RIMS2: variants seen among roughly 807,000 people sequenced by gnomAD.
RIMS2 encodes regulating synaptic membrane exocytosis 2.
In RIMS2, 59 loss-of-function variants were observed where a neutral mutation model predicts 174.4. That is an observed-to-expected ratio of 0.34 (90% CI 0.27 to 0.42). RIMS2 has a LOEUF of 0.42. Ranked by LOEUF, RIMS2 falls within the 10% of genes least tolerant of loss-of-function variation. RIMS2 has a pLI of 1.00. For synonymous variants in RIMS2, 606 were observed against 572.5 expected, an observed-to-expected ratio of 1.06 and a Z score of -0.84; for missense variants, 1,620 against 1,666.3, an observed-to-expected ratio of 0.97 and a Z score of 0.48.
intron 19 of RIMS2, among the ~76,000 whole-genome samples, chr8:104,141,317 T>C (rs2098568567): frequency 6.6e-6 from 1 of 152,154 alleles, no homozygotes; most frequent in South Asian, 2.1e-4. Context: ...ATTTATAAAT[T>C]CAAGAGATAG....
At chr8:103,669,833 C>T (rs1281734213) in intron 1 of RIMS2, among the ~76,000 whole-genome samples, 1 of 152,228 alleles carries the variant, frequency 6.6e-6, no homozygotes, top group African/African-American at 2.4e-5. Context: ...GCACTGAGTG[C>T]CTGTGGCTTT....
intron 3 of RIMS2, among the ~76,000 whole-genome samples, chr8:103,857,850 C>T (rs1054117758): frequency 2.0e-5 from 3 of 152,156 alleles, no homozygotes; most frequent in Non-Finnish European, 4.4e-5. Flanking sequence ...AAGCAAAAAG[C>T]TCATCTTTTC....
At chr8:103,639,333 A>T (rs1418804879) in intron 1 of RIMS2, among the ~76,000 whole-genome samples, 2 of 151,968 alleles carry the variant, frequency 1.3e-5, no homozygotes, top group Admixed American at 1.3e-4. Context: ...TGCAAACATT[A>T]ACATTTAATG....
At chr8:104,051,595 G>A (rs996029028) in intron 19 of RIMS2, among the ~76,000 whole-genome samples, 6 of 151,950 alleles carry the variant, frequency 3.9e-5, no homozygotes, top group African/African-American at 9.7e-5. Flanking sequence ...AAAAGAAAAG[G>A]GAGAAGATGT....
At chr8:103,716,602 C>T (rs2097371161) in intron 2 of RIMS2, among the ~76,000 whole-genome samples, 1 of 151,610 alleles carries the variant, frequency 6.6e-6, no homozygotes, top group East Asian at 1.9e-4. Flanking sequence ...TCAAGGAAAC[C>T]TCATAGTATT....
intron 3 of RIMS2, among the ~76,000 whole-genome samples, chr8:103,796,429 T>G (rs1409050192): frequency 6.6e-6 from 1 of 152,168 alleles, no homozygotes; most frequent in Non-Finnish European, 1.5e-5. Context: ...ATACCAAAAT[T>G]AGAGGTAGAT....
At chr8:103,818,584 A>C (rs1313514289) in intron 3 of RIMS2, among the ~76,000 whole-genome samples, 2 of 152,116 alleles carry the variant, frequency 1.3e-5, no homozygotes, top group African/African-American at 4.8e-5. Flanking sequence ...TCTGGCCTTG[A>C]CTGTAGGGTT....
intron 1 of RIMS2, among the ~76,000 whole-genome samples, chr8:103,607,951 C>A (rs933464940): frequency 6.9e-6 from 1 of 144,130 alleles, no homozygotes; most frequent in African/African-American, 2.7e-5. Flanking sequence ...TCTGAATGTC[C>A]TCCCATAGCT....
chr8:103,829,622 T>C (rs1948569), intron 3 of RIMS2, among the ~76,000 whole-genome samples: 61,084 of 151,936 alleles, frequency 0.4, 12,731 homozygotes, highest in African/African-American at 0.44. Flanking sequence ...AACCAAATAC[T>C]GCATGTTCTC....
chr8:104,046,833 A>G (rs1760594186), intron 19 of RIMS2, among the ~76,000 whole-genome samples: 2 of 152,204 alleles, frequency 1.3e-5, no homozygotes, highest in South Asian at 4.1e-4. Context: ...AGGAGGCACA[A>G]AGTGTCAATG....
chr8:103,953,202 C>A (rs184074500), intron 14 of RIMS2, among the ~76,000 whole-genome samples: 114 of 152,166 alleles, frequency 7.5e-4, no homozygotes, highest in African/African-American at 2.6e-3. Context: ...AGGAGAACTT[C>A]CCCAGCCTGG....
intron 17 of RIMS2, among the ~76,000 whole-genome samples, chr8:104,007,393 T>A (rs1160350081): frequency 6.6e-6 from 1 of 152,166 alleles, no homozygotes; most frequent in East Asian, 1.9e-4. Flanking sequence ...TCATTGAAAA[T>A]TAAACTGTTT....
chr8:103,633,118 C>T (rs1347041006), intron 1 of RIMS2, among the ~76,000 whole-genome samples: 1 of 151,550 alleles, frequency 6.6e-6, no homozygotes, highest in African/African-American at 2.4e-5. Context: ...CCTCCATCTC[C>T]TGAGTTCAGG....
intron 19 of RIMS2, among the ~76,000 whole-genome samples, chr8:104,160,656 G>A (rs893853905): frequency 1.3e-5 from 2 of 151,892 alleles, no homozygotes; most frequent in Non-Finnish European, 2.9e-5. Flanking sequence ...GTATTCTTAT[G>A]GTATTTTAAT....
At chr8:103,895,694 G>T (rs1231788422) in intron 4 of RIMS2, among the ~76,000 whole-genome samples, 1 of 151,412 alleles carries the variant, frequency 6.6e-6, no homozygotes, top group Non-Finnish European at 1.5e-5. Flanking sequence ...ATAATTTTTG[G>T]TTGAAAATTG....
At chr8:104,042,436 A>G (rs1448719428) in intron 19 of RIMS2, among the ~76,000 whole-genome samples, 1 of 151,684 alleles carries the variant, frequency 6.6e-6, no homozygotes, top group African/African-American at 2.4e-5. Context: ...GACCGGAGCA[A>G]TATAAGCAGA....
At chr8:103,706,814 C>A (rs950728725) in intron 2 of RIMS2, among the ~76,000 whole-genome samples, 3 of 151,898 alleles carry the variant, frequency 2.0e-5, no homozygotes, top group African/African-American at 7.3e-5. Context: ...CCTTCTTGTA[C>A]CTGTATATCC....
At chr8:103,664,920 T>C (rs886086170) in intron 1 of RIMS2, among the ~76,000 whole-genome samples, 12 of 152,202 alleles carry the variant, frequency 7.9e-5, no homozygotes, top group African/African-American at 2.7e-4. Flanking sequence ...ATGTGGCACA[T>C]ATACACCATG....
At position 104,041,323 on chromosome 8, in the gene RIMS2, C is replaced by G. The variant is rs774687778; in HGVS notation, c.3334+26708C>G. On this transcript the variant is annotated intron_variant, in intron 19 of 23. Transcript: ENST00000504942. ...GTCTGTCCATTACACGATGTGATCA[C>G]AGAAGAACTGGACTCTACAAGGAGA... is the stretch of plus-strand genomic sequence containing the variant. 4 of 698,222 alleles carry G rather than the reference C, an allele frequency of 5.7e-6. No homozygotes were observed. The allele number at this position is 698,222 out of a possible 1,614,324, so 43.3% of individuals were successfully genotyped here. A position where few individuals can be genotyped will look rare whatever the true frequency, so the allele number is the denominator to read the frequency against.
Sources: gnomAD v4.1 joint callset for allele counts (sites outside exome capture counted in the v4.1 genomes callset) on GRCh38, gnomAD v4.1.1 for gene constraint, MANE v1.5 for transcripts, NCBI Gene and HGNC (gene_info 2026-07-23, HGNC 2026-07-21) for gene names.